Variants in TENM3 observed in about 807,000 individuals in gnomAD.
The protein encoded by TENM3 is teneurin transmembrane protein 3.
TENM3 carries 63 observed loss-of-function variants against 255.1 expected under a neutral mutation model. The ratio of observed to expected loss-of-function variants is 0.25; its 90% CI spans 0.20 to 0.30. The LOEUF (loss-of-function observed/expected upper bound fraction) is 0.30. Among genes scored for constraint, TENM3 ranks in the 10% least tolerant of loss-of-function variants. The pLI, the probability that TENM3 is intolerant of heterozygous loss-of-function variation, is 1.00. For missense variants in TENM3, 2,929 were observed against 3,461.1 expected (o/e 0.85, Z 3.86); for synonymous variants, 1,306 against 1,322.3 (o/e 0.99, Z 0.27).
At chr4:182,252,622 G>T (rs1158932354) in intron 1 of TENM3, among the ~76,000 whole-genome samples, 1 of 151,988 alleles carries the variant, frequency 6.6e-6, no homozygotes, top group East Asian at 1.9e-4. Flanking sequence ...TTACGTAGAG[G>T]CTTATCCTAC....
chr4:182,629,147 T>C (rs1202523798), intron 5 of TENM3, among the ~76,000 whole-genome samples: 1 of 152,182 alleles, frequency 6.6e-6, no homozygotes, highest in Non-Finnish European at 1.5e-5. Flanking sequence ...GTTTGACTTA[T>C]CCCTTGTGAA....
At chr4:182,020,732 A>C in the TENM3 span, among the ~76,000 whole-genome samples, 2 of 152,250 alleles carry the variant, frequency 1.3e-5, no homozygotes, top group Non-Finnish European at 2.9e-5. Flanking sequence ...ATTTCAATGA[A>C]ATCATATCAC....
the TENM3 span, among the ~76,000 whole-genome samples, chr4:181,491,726 G>A: frequency 6.6e-6 from 1 of 152,194 alleles, no homozygotes; most frequent in East Asian, 1.9e-4. Context: ...TTGCAGAGAT[G>A]AGTGCTATTA....
the TENM3 span, among the ~76,000 whole-genome samples, chr4:181,679,317 C>T: frequency 1.3e-5 from 2 of 152,080 alleles, no homozygotes; most frequent in African/African-American, 4.8e-5. Context: ...GCTGTGATTC[C>T]GGGGGCTGCC....
At chr4:181,772,496 T>A in the TENM3 span, among the ~76,000 whole-genome samples, 1 of 152,240 alleles carries the variant, frequency 6.6e-6, no homozygotes, top group Non-Finnish European at 1.5e-5. Flanking sequence ...GCAAGGATAC[T>A]GACTGAGCTA....
Position 182,755,277 on chromosome 4 carries a change from C to G in TENM3, c.4892+18C>G, listed in dbSNP as rs1365913224. Reference sequence around the variant, plus strand: ...TTTTTTGAGTAAGTATATGAAAATTCTACTCTGATTATAAAATACTGTGAT... The same window carrying G: ...TTTTTTGAGTAAGTATATGAAAATTGTACTCTGATTATAAAATACTGTGAT... On this transcript the variant is annotated intron_variant, in intron 22 of 27. Transcript: ENST00000511685. The G allele has an allele frequency of 6.4e-7, 1 of 1,551,870 alleles. No homozygotes were observed. Among genetic ancestry groups the G allele is most frequent in the Admixed American group, 1.9e-5 (1 of 53,374 alleles).
chr4:182,201,116 C>G (rs531286391), intron 1 of TENM3, among the ~76,000 whole-genome samples: 2 of 152,224 alleles, frequency 1.3e-5, no homozygotes, highest in East Asian at 3.9e-4. Context: ...TGAGCCACCA[C>G]GCCCAGCCTA....
the TENM3 span, among the ~76,000 whole-genome samples, chr4:181,578,174 A>G: frequency 6.6e-6 from 1 of 152,232 alleles, no homozygotes; most frequent in Non-Finnish European, 1.5e-5. Flanking sequence ...GACTCCGTCA[A>G]TAGTTAAAGA....
rs1459466005 is a variant in TENM3, at chr4:182,440,835, C to T, written c.511+93906C>T. Among the ~76,000 whole-genome samples, 164 of 144,938 alleles carry T rather than the reference C, an allele frequency of 1.1e-3. 1 individual carries two copies. Among genetic ancestry groups the T allele is most frequent in the African/African-American group, 3.2e-3 (126 of 39,268 alleles). On this transcript the variant is annotated intron_variant, in intron 3 of 27. Transcript: ENST00000511685. ...TAGCTCTAGAGGTTTTTTTTTTTTT[C>T]GACTTTTATTTCAGGTTTGGGGATA...
intron 3 of TENM3, among the ~76,000 whole-genome samples, chr4:182,473,335 A>G (rs1161639148): frequency 6.6e-6 from 1 of 152,218 alleles, no homozygotes; most frequent in Non-Finnish European, 1.5e-5. Context: ...ATCTGTACAC[A>G]CTTGATCCAA....
At chr4:182,360,960 C>T (rs1294062140) in intron 3 of TENM3, among the ~76,000 whole-genome samples, 2 of 151,992 alleles carry the variant, frequency 1.3e-5, no homozygotes, top group East Asian at 3.9e-4. Flanking sequence ...GTAAAGTATT[C>T]TATTTCTCCT....
chr4:182,658,878 A>G (rs895624410), intron 6 of TENM3, among the ~76,000 whole-genome samples: 1 of 152,198 alleles, frequency 6.6e-6, no homozygotes, highest in Non-Finnish European at 1.5e-5. Flanking sequence ...GCACCTAGAC[A>G]TGGCCTTCCA....
the TENM3 span, among the ~76,000 whole-genome samples, chr4:181,512,834 C>A: frequency 6.6e-6 from 1 of 152,156 alleles, no homozygotes; most frequent in Non-Finnish European, 1.5e-5. Context: ...CAAGTCTAGA[C>A]ACATTTAGAT....
At chr4:182,307,281 C>T (rs1205383558) in intron 1 of TENM3, among the ~76,000 whole-genome samples, 1 of 152,190 alleles carries the variant, frequency 6.6e-6, no homozygotes, top group East Asian at 1.9e-4. Flanking sequence ...CAGTCCGGTT[C>T]ATGGGTGACA....
At chr4:181,923,279 A>C in the TENM3 span, among the ~76,000 whole-genome samples, 1 of 152,070 alleles carries the variant, frequency 6.6e-6, no homozygotes, top group East Asian at 1.9e-4. Flanking sequence ...AAACCAAATA[A>C]AAGAGATGAG....
At chr4:181,699,200 A>C in the TENM3 span, among the ~76,000 whole-genome samples, 1 of 152,032 alleles carries the variant, frequency 6.6e-6, no homozygotes, top group Non-Finnish European at 1.5e-5. Context: ...AGAAGCTGAG[A>C]CCAGAGGATT....
intron 3 of TENM3, among the ~76,000 whole-genome samples, chr4:182,445,434 C>T (rs1772837398): frequency 6.6e-6 from 1 of 152,092 alleles, no homozygotes; most frequent in Admixed American, 6.6e-5. Context: ...GTATTAGCAC[C>T]TCTGACAATG....
In TENM3 at chr4:182,784,344, G is replaced by A. The variant is rs561688849; in HGVS notation, c.5305-4749G>A. On this transcript the variant is annotated intron_variant, in intron 24 of 27. Transcript: ENST00000511685. ...GGTGTCAGTGTGCCCCTGCTGGGGGGTGCCTCCCAGTTAGGCTGCTCAGGG... is the reference window on the plus strand; with the variant it reads ...GGTGTCAGTGTGCCCCTGCTGGGGGATGCCTCCCAGTTAGGCTGCTCAGGG... 4.9e-3 allele frequency among the ~76,000 whole-genome samples: 744 copies of A among 152,048 alleles called. 14 individuals are homozygous for A. The highest frequency in any genetic ancestry group is 0.017 in the African/African-American group (704 of 41,482).
the TENM3 span, among the ~76,000 whole-genome samples, chr4:181,971,007 G>A: frequency 2.0e-5 from 3 of 152,172 alleles, no homozygotes; most frequent in East Asian, 1.9e-4. Flanking sequence ...GAGTGCAGTG[G>A]TGCGATCACT....
Sources: allele counts gnomAD v4.1 joint callset (sites outside exome capture counted in the v4.1 genomes callset), GRCh38; gene constraint gnomAD v4.1.1; transcripts MANE v1.5; gene names NCBI Gene and HGNC (gene_info 2026-07-23, HGNC 2026-07-21).